The following PTPRJ variants were observed in gnomAD, a reference collection of about 807,000 sequenced individuals.
PTPRJ encodes protein tyrosine phosphatase receptor type J.
PTPRJ carries 129 observed loss-of-function variants against 141.3 expected under a neutral mutation model. That is an observed-to-expected ratio of 0.91 (90% CI 0.79 to 1.06). The LOEUF (loss-of-function observed/expected upper bound fraction) is 1.06, where lower values mean the gene tolerates loss of function less well. Ranked by LOEUF, PTPRJ falls within the 50% of genes least tolerant of loss-of-function variation. The pLI is 0.00. For synonymous variants in PTPRJ, 610 were observed against 640.5 expected, an observed-to-expected ratio of 0.95 and a Z score of 0.72; for missense variants, 1,601 against 1,679.7, an observed-to-expected ratio of 0.95 and a Z score of 0.82.
chr11:48,144,985 T>C lies in PTPRJ; in HGVS notation c.2787-15T>C, dbSNP rs780523448. On this transcript the variant is annotated splice_polypyrimidine_tract_variant and intron_variant, in intron 13 of 24. Transcript: ENST00000418331. ...ACGTCTCAGGGACCTCTTTTTGCTC[T>C]TTGTTATCCCACAGGGCTTGTGTGG... 5 of 1,614,204 alleles carry C rather than the reference T, an allele frequency of 3.1e-6. No homozygotes were observed. Among genetic ancestry groups the C allele is most frequent in the Non-Finnish European group, 4.2e-6 (5 of 1,180,032 alleles).
At position 48,130,733 on chromosome 11, in the gene PTPRJ, T is replaced by G; in HGVS notation, c.1615+17T>G. 6.3e-7 allele frequency: 1 copy of G among 1,580,422 alleles called. No homozygotes were observed. Among genetic ancestry groups the G allele is most frequent in the Non-Finnish European group, 8.6e-7 (1 of 1,157,540 alleles). ...ATAGAACTGGTAAGCAAATAGGCTT[T>G]TCTGTTAAACCATCATGTTTCTTAA... On this transcript the variant is annotated intron_variant, in intron 8 of 24. Coordinates refer to ENST00000418331, the MANE Select transcript of PTPRJ (RefSeq NM_002843.4).
chr11:48,141,755 GC>G (rs1389439979), intron 11 of PTPRJ, among the ~76,000 whole-genome samples: 1 of 152,114 alleles, frequency 6.6e-6, no homozygotes, highest in Non-Finnish European at 1.5e-5. Flanking sequence ...GAGGACAAGG[GC>G]AGGTTAGCTT....
At chr11:48,021,804 A>T (rs566141584) in intron 1 of PTPRJ, among the ~76,000 whole-genome samples, 1 of 151,966 alleles carries the variant, frequency 6.6e-6, no homozygotes, top group East Asian at 1.9e-4. Context: ...TTTCATTTTT[A>T]TTGGACTTTG....
At chr11:48,127,433 G>A (rs1407443830) in intron 6 of PTPRJ, among the ~76,000 whole-genome samples, 2 of 152,062 alleles carry the variant, frequency 1.3e-5, no homozygotes, top group South Asian at 2.1e-4. Context: ...CGCAGTGTTC[G>A]CTCTTGCATC....
chr11:48,166,146 A>G (rs1006591475), intron 24 of PTPRJ, among the ~76,000 whole-genome samples: 1 of 151,564 alleles, frequency 6.6e-6, no homozygotes, highest in Non-Finnish European at 1.5e-5. Context: ...TACAGGTGTG[A>G]GCCACCGTGC....
chr11:48,156,752 A>AT (rs889983127), intron 21 of PTPRJ, among the ~76,000 whole-genome samples: 22 of 151,588 alleles, frequency 1.5e-4, no homozygotes, highest in South Asian at 8.3e-4. Context: ...TGCCTGGATA[A>AT]TTTTTTTTAT....
At chr11:48,058,906 C>G (rs1280415045) in intron 1 of PTPRJ, among the ~76,000 whole-genome samples, 2 of 152,130 alleles carry the variant, frequency 1.3e-5, no homozygotes, top group Non-Finnish European at 2.9e-5. Context: ...TCCTCTGCCC[C>G]CTCTGCAGAG....
intron 1 of PTPRJ, among the ~76,000 whole-genome samples, chr11:48,046,910 A>ATTTTTT (rs1281439545): frequency 3.4e-5 from 3 of 87,102 alleles, no homozygotes; most frequent in African/African-American, 2.3e-4. Flanking sequence ...ATATATATAT[A>ATTTTTT]TATTTTTTTT....
intron 3 of PTPRJ, among the ~76,000 whole-genome samples, chr11:48,115,602 T>C (rs567959714): frequency 6.6e-6 from 1 of 152,288 alleles, no homozygotes; most frequent in African/African-American, 2.4e-5. Flanking sequence ...ATTGAAAACA[T>C]ATGAAAGGAT....
At chr11:48,153,572 G>A (rs1238238025) in intron 18 of PTPRJ, among the ~76,000 whole-genome samples, 8 of 149,596 alleles carry the variant, frequency 5.3e-5, no homozygotes, top group Non-Finnish European at 1.2e-4. Flanking sequence ...GATCTGACTA[G>A]TTTCAGTTCT....
intron 1 of PTPRJ, among the ~76,000 whole-genome samples, chr11:48,006,117 G>T (rs1193749515): frequency 6.6e-6 from 1 of 152,194 alleles, no homozygotes; most frequent in African/African-American, 2.4e-5. Flanking sequence ...CCACAGAACC[G>T]CTGTGATGGG....
chr11:47,988,589 G>A (rs1367642189), intron 1 of PTPRJ, among the ~76,000 whole-genome samples: 1 of 152,066 alleles, frequency 6.6e-6, no homozygotes, highest in Non-Finnish European at 1.5e-5. Context: ...AGTTGTTTTA[G>A]TACACCTCCC....
intron 1 of PTPRJ, among the ~76,000 whole-genome samples, chr11:48,092,974 T>C (rs1855910315): frequency 1.3e-5 from 2 of 152,232 alleles, no homozygotes; most frequent in Admixed American, 1.3e-4. Context: ...CGTTGAATAT[T>C]ATCAAATGCT....
At chr11:48,065,777 G>A (rs2134265967) in intron 1 of PTPRJ, among the ~76,000 whole-genome samples, 1 of 152,204 alleles carries the variant, frequency 6.6e-6, no homozygotes, top group East Asian at 1.9e-4. Context: ...CCCTGTTACA[G>A]GGTGGAGAGA....
intron 1 of PTPRJ, among the ~76,000 whole-genome samples, chr11:48,104,088 G>A (rs1856227742): frequency 6.6e-6 from 1 of 152,200 alleles, no homozygotes; most frequent in South Asian, 2.1e-4. Flanking sequence ...CAGGGAAGCC[G>A]GCCTGTTCTC....
intron 1 of PTPRJ, among the ~76,000 whole-genome samples, chr11:48,012,174 G>T (rs1854814026): frequency 6.6e-6 from 1 of 152,112 alleles, no homozygotes; most frequent in South Asian, 2.1e-4. Flanking sequence ...GCTAGTCACT[G>T]TCCCAGTTTT....
intron 1 of PTPRJ, among the ~76,000 whole-genome samples, chr11:48,016,197 C>T (rs1854946382): frequency 6.6e-6 from 1 of 152,178 alleles, no homozygotes; most frequent in Non-Finnish European, 1.5e-5. Context: ...TTCAGCCTCA[C>T]CCAGGAGAGA....
intron 3 of PTPRJ, among the ~76,000 whole-genome samples, chr11:48,120,799 A>G (rs1856685204): frequency 6.6e-6 from 1 of 152,042 alleles, no homozygotes; most frequent in Non-Finnish European, 1.5e-5. Flanking sequence ...TTCTGTTCCA[A>G]AGGCTTCTGT....
At chr11:48,132,347 C>G in intron 8 of PTPRJ, 11 of 972,788 alleles carry the variant, frequency 1.1e-5, no homozygotes, top group Non-Finnish European at 1.3e-5. Context: ...CTAGCACCAG[C>G]CTGGGAGACC....
Sources: allele counts gnomAD v4.1 joint callset (sites outside exome capture counted in the v4.1 genomes callset), GRCh38; gene constraint gnomAD v4.1.1; transcripts MANE v1.5; gene names NCBI Gene and HGNC (gene_info 2026-07-23, HGNC 2026-07-21).